Variants in GNB1L observed in about 807,000 individuals in gnomAD.
GNB1L encodes G protein subunit beta 1 like.
Under a neutral mutation model 29.1 loss-of-function variants are expected in GNB1L, and 20 were observed. That is an observed-to-expected ratio of 0.69 (90% CI 0.48 to 1.00). GNB1L has a LOEUF of 1.00. Among genes scored for constraint, GNB1L ranks in the 50% least tolerant of loss-of-function variants. The probability of loss-of-function intolerance (pLI) is 0.00; values close to 1 mark genes in which losing one functional copy is unlikely to be tolerated. For missense variants in GNB1L, 421 were observed against 464.9 expected (o/e 0.91, Z 0.87); for synonymous variants, 193 against 206.5 (o/e 0.93, Z 0.56).
At chr22:19,846,814 C>T in intron 2 of GNB1L, 1 of 696,924 alleles carries the variant, frequency 1.4e-6, no homozygotes, top group Non-Finnish European at 1.8e-6. Flanking sequence ...CCAACCCTGC[C>T]CACACCTTGA....
intron 7 of GNB1L, among the ~76,000 whole-genome samples, chr22:19,793,556 AT>A (rs1937274879): frequency 6.6e-6 from 1 of 152,212 alleles, no homozygotes; most frequent in African/African-American, 2.4e-5. Flanking sequence ...GGAAACACGA[AT>A]ATATAGATGA....
chr22:19,841,092 A>G (rs184643492), intron 2 of GNB1L, among the ~76,000 whole-genome samples: 1 of 152,350 alleles, frequency 6.6e-6, no homozygotes, highest in Admixed American at 6.5e-5. Flanking sequence ...AGAAAAGGAC[A>G]TTAGGGCAAA....
chr22:19,808,582 A>T (rs940217325), intron 5 of GNB1L, among the ~76,000 whole-genome samples: 1 of 152,238 alleles, frequency 6.6e-6, no homozygotes, highest in Non-Finnish European at 1.5e-5. Context: ...CTCTAGCCAC[A>T]TGGAAATATA....
chr22:19,802,352 A>C, intron 6 of GNB1L, 136 bp from the exon 7 acceptor site: 1 of 672,432 alleles, frequency 1.5e-6, no homozygotes, highest in East Asian at 2.7e-5. Flanking sequence ...TGGCTGCCAC[A>C]GCTCAGAAGC....
At chr22:19,807,767 A>G (rs1245477692) in intron 5 of GNB1L, among the ~76,000 whole-genome samples, 4 of 152,116 alleles carry the variant, frequency 2.6e-5, no homozygotes, top group Non-Finnish European at 4.4e-5. Flanking sequence ...TATTCTCCTG[A>G]GCCAGGCAGA....
Position 19,792,236 on chromosome 22 carries a change from T to C in GNB1L, c.733-3276A>G, listed in dbSNP as rs913564044. The stretch of plus-strand genomic sequence containing the variant: ...TGTTGAACATATCAGATAAAGACTT[T>C]AAAGAAACTCCTTAACTATGTTCAA... On this transcript the variant is annotated intron_variant, in intron 7 of 7. Coordinates refer to ENST00000329517, the MANE Select transcript of GNB1L (RefSeq NM_053004.3). 15 of 617,894 alleles carry C rather than the reference T, an allele frequency of 2.4e-5. 1 individual carries two copies. The South Asian group carries it at 2.8e-4, about 11-fold the overall frequency. The allele number at this position is 617,894 out of a possible 1,614,324, so 38.3% of individuals were successfully genotyped here.
At chr22:19,792,440 A>G in intron 7 of GNB1L, 1 of 1,574,410 alleles carries the variant, frequency 6.4e-7, no homozygotes, top group Non-Finnish European at 8.6e-7. Flanking sequence ...AGCCCAAAAG[A>G]GACCTCACCC....
chr22:19,851,671 G>A (rs772801297), intron 2 of GNB1L: 6 of 1,595,730 alleles, frequency 3.8e-6, no homozygotes, highest in African/African-American at 1.3e-5. Flanking sequence ...TGGAGGCCAG[G>A]GGCAGGGGAC....
At chr22:19,792,612 A>G (rs1937263840) in intron 7 of GNB1L, 4 of 1,597,902 alleles carry the variant, frequency 2.5e-6, no homozygotes, top group Non-Finnish European at 3.4e-6. Context: ...ACCAGAGACA[A>G]AGCAAGAGAA....
At chr22:19,854,729 T>G (rs546367781) in intron 1 of GNB1L, 91 bp downstream of exon 1, 1 of 152,090 alleles carries the variant, frequency 6.6e-6, no homozygotes, top group Non-Finnish European at 1.5e-5. Context: ...CCTCTGCGGA[T>G]CAGAAGTCGG....
intron 2 of GNB1L, among the ~76,000 whole-genome samples, chr22:19,825,215 G>A (rs1360404249): frequency 1.3e-5 from 2 of 152,212 alleles, no homozygotes; most frequent in Non-Finnish European, 2.9e-5. Flanking sequence ...ATCCCCCGAG[G>A]AAGCTCCAGC....
chr22:19,837,261 C>T (rs1348722244), intron 2 of GNB1L, among the ~76,000 whole-genome samples: 3 of 152,004 alleles, frequency 2.0e-5, no homozygotes, highest in Non-Finnish European at 2.9e-5. Flanking sequence ...CCACCACGCC[C>T]GGCCTGAAAA....
chr22:19,804,879 G>A (rs1406685796), intron 6 of GNB1L, among the ~76,000 whole-genome samples: 1 of 152,204 alleles, frequency 6.6e-6, no homozygotes, highest in Non-Finnish European at 1.5e-5. Flanking sequence ...AATGACCCAC[G>A]TTTCCCAAGG....
intron 5 of GNB1L, among the ~76,000 whole-genome samples, chr22:19,809,224 C>T (rs1937470620): frequency 1.3e-5 from 2 of 151,622 alleles, no homozygotes; most frequent in African/African-American, 4.8e-5. Flanking sequence ...GAGGGGAGCA[C>T]GGTGGTGGAA....
intron 2 of GNB1L, among the ~76,000 whole-genome samples, chr22:19,823,332 C>A (rs3788302): frequency 6.6e-6 from 1 of 152,130 alleles, no homozygotes; most frequent in Admixed American, 6.5e-5. Context: ...CCAAGACCCA[C>A]GGCCCCTGCT....
intron 5 of GNB1L, among the ~76,000 whole-genome samples, chr22:19,811,277 G>T (rs1937497126): frequency 6.6e-6 from 1 of 152,184 alleles, no homozygotes; most frequent in Non-Finnish European, 1.5e-5. Context: ...CTGTGCGTGG[G>T]GGCCGTCCTG....
rs144661538 is a variant in GNB1L at position 19,792,157 on chromosome 22, C to T, written c.733-3197G>A. The T allele has an allele frequency of 1.0e-3, 597 of 576,340 alleles. 17 individuals are homozygous for T. Among genetic ancestry groups the T allele is most frequent in the South Asian group, 9.9e-3 (435 of 43,768 alleles). 35.7% of individuals were successfully genotyped at this position (576,340 alleles called of 1,614,324 possible). ...ATGCTAAGAAGCAGGAATATATGACCCATAGTCAAGGGGAAAAAGCAGTTA... is the reference window on the plus strand; with the variant it reads ...ATGCTAAGAAGCAGGAATATATGACTCATAGTCAAGGGGAAAAAGCAGTTA... On this transcript the variant is annotated intron_variant, in intron 7 of 7. Coordinates refer to ENST00000329517, the MANE Select transcript of GNB1L (RefSeq NM_053004.3).
chr22:19,853,850 C>T (rs1938171079), intron 2 of GNB1L, among the ~76,000 whole-genome samples: 1 of 152,212 alleles, frequency 6.6e-6, no homozygotes, highest in Non-Finnish European at 1.5e-5. Flanking sequence ...AGCAGTGACC[C>T]CGATCCAGGG....
chr22:19,832,175 A>C (rs1937690810), intron 2 of GNB1L, among the ~76,000 whole-genome samples: 1 of 152,082 alleles, frequency 6.6e-6, no homozygotes, highest in Admixed American at 6.6e-5. Flanking sequence ...ACGAAAAATA[A>C]AAAATATTAG....
Sources: allele counts gnomAD v4.1 joint callset (sites outside exome capture counted in the v4.1 genomes callset), GRCh38; gene constraint gnomAD v4.1.1; transcripts MANE v1.5; gene names NCBI Gene and HGNC (gene_info 2026-07-23, HGNC 2026-07-21).